Variants in HSF2BP observed in about 807,000 individuals in gnomAD.
The protein encoded by HSF2BP is heat shock transcription factor 2 binding protein, also known as heat shock factor 2-binding protein.
A neutral mutation model predicts 35.0 loss-of-function variants in HSF2BP; 35 were observed. That is an observed-to-expected ratio of 1.00 (90% CI 0.76 to 1.32). The LOEUF is 1.32. Ranked by LOEUF, HSF2BP falls within the 40% of genes most tolerant of loss-of-function variation. The probability of loss-of-function intolerance (pLI) is 0.00; values close to 1 mark genes in which losing one functional copy is unlikely to be tolerated. For missense variants in HSF2BP, 326 were observed against 321.7 expected (o/e 1.01, Z -0.10); for synonymous variants, 114 against 117.4 (o/e 0.97, Z 0.18).
intron 5 of HSF2BP, among the ~76,000 whole-genome samples, chr21:43,632,270 CT>C (rs1435777653): frequency 3.9e-5 from 3 of 77,430 alleles, no homozygotes; most frequent in African/African-American, 5.1e-5. Flanking sequence ...CACACACACG[CT>C]CCCCCCACAC....
In HSF2BP at chr21:43,612,093, C is replaced by G. The variant is rs540846105; in HGVS notation, c.692+1737G>C. ...TAAAGACTCTGAAAACAGGACGACA[C>G]ACTGAAACCAAACAGAGAAAAGGCT... On this transcript the variant is annotated intron_variant, in intron 7 of 8. Transcript: ENST00000291560. Among the ~76,000 whole-genome samples, 6 of 152,246 alleles carry G rather than the reference C, an allele frequency of 3.9e-5. No homozygotes were observed. The South Asian group carries it at 8.3e-4, about 21-fold the overall frequency.
intron 6 of HSF2BP, among the ~76,000 whole-genome samples, chr21:43,620,234 AACAG>A (rs781082292): frequency 2.6e-4 from 40 of 152,232 alleles, no homozygotes; most frequent in Non-Finnish European, 5.4e-4. Context: ...GGCCTCCCCA[AACAG>A]ACAAAGCAAG....
chr21:43,613,690 C>T lies in HSF2BP; in HGVS notation c.692+140G>A, dbSNP rs941983743. On this transcript the variant is annotated intron_variant, in intron 7 of 8. Coordinates refer to ENST00000291560, the MANE Select transcript of HSF2BP (RefSeq NM_007031.2). ...TGCTATTTAAGAGACAGTGCACGCCCTTAACTTCTCCAGGAATTTATTTCT... is the reference window on the plus strand; with the variant it reads ...TGCTATTTAAGAGACAGTGCACGCCTTTAACTTCTCCAGGAATTTATTTCT... 3.9e-5 allele frequency: 26 copies of T among 674,392 alleles called. No homozygotes were observed. The East Asian group carries it at 6.9e-4, about 18-fold the overall frequency. The allele number at this position is 674,392 out of a possible 1,614,324, so 41.8% of individuals were successfully genotyped here.
Position 43,597,745 on chromosome 21 carries a change from G to A in HSF2BP, c.693-5417C>T, listed in dbSNP as rs985525620. ...TTGCCAAGGCTGGTCTTGAATTCTC[G>A]GCCTCAGGCAATTTTCCCACGTCGG... On this transcript the variant is annotated intron_variant, in intron 7 of 8. Transcript: ENST00000291560. The surrounding 1 kb of genome is among the most constrained non-coding windows in gnomAD (Gnocchi z 4.3). Among the ~76,000 whole-genome samples the A allele has an allele frequency of 3.9e-5, 6 of 152,074 alleles. No homozygotes were observed. Among genetic ancestry groups the A allele is most frequent in the African/African-American group, 9.7e-5 (4 of 41,386 alleles).
chr21:43,603,793 C>T (rs2082079910), intron 7 of HSF2BP, among the ~76,000 whole-genome samples: 1 of 152,144 alleles, frequency 6.6e-6, no homozygotes, highest in African/African-American at 2.4e-5. Flanking sequence ...AAACTAGGAA[C>T]AGCCCGAAAC....
At chr21:43,445,694 AG>A in the HSF2BP span, among the ~76,000 whole-genome samples, 1 of 114,262 alleles carries the variant, frequency 8.8e-6, no homozygotes, top group Non-Finnish European at 2.1e-5. Flanking sequence ...TGGGTCCTCA[AG>A]GGCCCCCTGC....
intron 7 of HSF2BP, among the ~76,000 whole-genome samples, chr21:43,610,554 C>T (rs1352615453): frequency 1.3e-5 from 2 of 152,088 alleles, no homozygotes; most frequent in African/African-American, 2.4e-5. Context: ...TGCAGTGAGC[C>T]GTGATTGCAC....
chr21:43,648,217 G>T (rs781306135), intron 3 of HSF2BP, among the ~76,000 whole-genome samples: 1 of 152,148 alleles, frequency 6.6e-6, no homozygotes. Context: ...CCAAGAGGCA[G>T]ATGTGAAGAC....
chr21:43,640,410 T>C (rs1286199544), intron 4 of HSF2BP, among the ~76,000 whole-genome samples: 3 of 152,164 alleles, frequency 2.0e-5, no homozygotes, highest in Non-Finnish European at 4.4e-5. Flanking sequence ...GCAGAGGGAA[T>C]GGGGTGGATG....
chr21:43,624,098 A>C (rs1236603390), intron 6 of HSF2BP, among the ~76,000 whole-genome samples: 1 of 152,216 alleles, frequency 6.6e-6, no homozygotes, highest in Non-Finnish European at 1.5e-5. Flanking sequence ...CAAAAAGCTA[A>C]ACAGAGTTAC....
chr21:43,631,500 T>C (rs997211416), intron 5 of HSF2BP, among the ~76,000 whole-genome samples: 8 of 152,126 alleles, frequency 5.3e-5, no homozygotes, highest in African/African-American at 1.9e-4. Flanking sequence ...TCATCCTGTG[T>C]AGACGCGATG....
At chr21:43,616,328 T>C (rs1025358300) in intron 6 of HSF2BP, among the ~76,000 whole-genome samples, 1 of 152,290 alleles carries the variant, frequency 6.6e-6, no homozygotes, top group East Asian at 1.9e-4. Context: ...AAGGCTGCCA[T>C]GATGAAGAGA....
intron 7 of HSF2BP, among the ~76,000 whole-genome samples, chr21:43,602,958 G>A (rs1200201477): frequency 2.6e-5 from 4 of 152,092 alleles, no homozygotes; most frequent in African/African-American, 4.8e-5. Flanking sequence ...CTGAGAAGCC[G>A]CTAGTGTAGA....
chr21:43,658,084 C>T lies in HSF2BP; in HGVS notation c.13G>A (p.Gly5Ser). ...ACCCGGCAGGCCTCCTCAGCGGCGCCCGCTTCGCCCATGGCCGCTGCCGCC... is the reference window on the plus strand; with the variant it reads ...ACCCGGCAGGCCTCCTCAGCGGCGCTCGCTTCGCCCATGGCCGCTGCCGCC... MGEA[G>S]AAEEACRHMG... Residue 5 changes from glycine to serine, a missense_variant, in exon 2 of 9, where the codon GGC becomes AGC. Transcript: ENST00000291560. The T allele has an allele frequency of 6.5e-7, 1 of 1,535,278 alleles. No homozygotes were observed. The highest frequency in any genetic ancestry group is 8.7e-7 in the Non-Finnish European group (1 of 1,145,920).
the HSF2BP span, chr21:43,467,410 G>A: frequency 1.3e-5 from 1 of 76,524 alleles, no homozygotes; most frequent in African/African-American, 5.7e-5. Flanking sequence ...TGACTGCTCA[G>A]GGACAGACAC....
chr21:43,639,977 C>T (rs919263860), intron 4 of HSF2BP, among the ~76,000 whole-genome samples: 2 of 152,198 alleles, frequency 1.3e-5, no homozygotes, highest in African/African-American at 4.8e-5. Flanking sequence ...AAATATCTAA[C>T]GATACATGCA....
chr21:43,572,460 G>A (rs1475823952), intron 8 of HSF2BP, among the ~76,000 whole-genome samples: 1 of 152,224 alleles, frequency 6.6e-6, no homozygotes, highest in African/African-American at 2.4e-5. Context: ...AGCAGGTGAG[G>A]GAGAAACAGA....
chr21:43,493,678 A>ACTCAGCTCTGCTACGTGG, the HSF2BP span, among the ~76,000 whole-genome samples: 2 of 30,512 alleles, frequency 6.6e-5, no homozygotes, highest in African/African-American at 2.1e-4. Context: ...CTGCCATGTG[A>ACTCAGCTCTGCTACGTGG]CTCAGCTCTG....
chr21:43,653,183 A>C (rs970225359), intron 3 of HSF2BP, among the ~76,000 whole-genome samples: 2 of 116,458 alleles, frequency 1.7e-5, no homozygotes, highest in South Asian at 3.3e-4. Context: ...GAGAGAGAAA[A>C]GGGAAAGGAA....
Sources: gnomAD v4.1 joint callset for allele counts (sites outside exome capture counted in the v4.1 genomes callset) on GRCh38, gnomAD v4.1.1 for gene constraint, Gnocchi (gnomAD v3.1) non-coding constraint, MANE v1.5 for transcripts, NCBI Gene and HGNC (gene_info 2026-07-23, HGNC 2026-07-21) for gene names.